ANKRD44: variants seen among roughly 807,000 people sequenced by gnomAD.
ANKRD44 encodes the protein serine/threonine-protein phosphatase 6 regulatory ankyrin repeat subunit B.
In ANKRD44, 35 loss-of-function variants were observed where a neutral mutation model predicts 116.0. The ratio of observed to expected loss-of-function variants is 0.30; its 90% CI spans 0.23 to 0.40. The LOEUF (loss-of-function observed/expected upper bound fraction) is 0.40, where lower values mean the gene tolerates loss of function less well. Among genes scored for constraint, ANKRD44 ranks in the 10% least tolerant of loss-of-function variants. The probability of loss-of-function intolerance (pLI) is 1.00; values close to 1 mark genes in which losing one functional copy is unlikely to be tolerated. For synonymous variants in ANKRD44, 435 were observed against 461.8 expected, an observed-to-expected ratio of 0.94 and a Z score of 0.74; for missense variants, 1,014 against 1,242.6, an observed-to-expected ratio of 0.82 and a Z score of 2.77.
At chr2:197,041,032 G>A (rs974475364) in intron 16 of ANKRD44, among the ~76,000 whole-genome samples, 1 of 152,154 alleles carries the variant, frequency 6.6e-6, no homozygotes, top group African/African-American at 2.4e-5. Flanking sequence ...GCCTTCAAAA[G>A]TCTTACTATC....
intron 16 of ANKRD44, among the ~76,000 whole-genome samples, chr2:197,045,236 C>T (rs2076981445): frequency 6.6e-6 from 1 of 151,916 alleles, no homozygotes; most frequent in Non-Finnish European, 1.5e-5. Flanking sequence ...GCTGATAATT[C>T]TGTCTCCATT....
chr2:197,282,787 C>G (rs867830121), intron 1 of ANKRD44, among the ~76,000 whole-genome samples: 22 of 152,238 alleles, frequency 1.4e-4, no homozygotes, highest in African/African-American at 5.3e-4. Context: ...GGCGAAACCC[C>G]ATCTCTACTA....
rs548394298 is a variant in ANKRD44 at position 197,293,759 on chromosome 2, G to A, written c.27+16819C>T. 5.5e-4 allele frequency among the ~76,000 whole-genome samples: 83 copies of A among 152,256 alleles called. 1 individual carries two copies. Among genetic ancestry groups the A allele is most frequent in the Admixed American group, 1.5e-3 (23 of 15,286 alleles). On this transcript the variant is annotated intron_variant, in intron 1 of 27. Coordinates refer to ENST00000282272, the MANE Select transcript of ANKRD44 (RefSeq NM_001195144.2). ...GGGAACGATGAGGCAATATCCTTAT[G>A]GCCTTGCACACAATGGGCTCCTTCT...
intron 12 of ANKRD44, 63 bp from the exon 13 acceptor site, chr2:197,086,811 A>T (rs2077935185): frequency 1.3e-6 from 2 of 1,513,370 alleles, no homozygotes; most frequent in Non-Finnish European, 1.8e-6. Flanking sequence ...ATCTTCAGCA[A>T]GAGCTATTTT....
At chr2:197,006,141 T>C (rs2076197853) in intron 20 of ANKRD44, among the ~76,000 whole-genome samples, 1 of 152,140 alleles carries the variant, frequency 6.6e-6, no homozygotes, top group Non-Finnish European at 1.5e-5. Flanking sequence ...TCCTGACAAC[T>C]GTGAAAGATA....
At chr2:197,220,468 G>A (rs555215146) in intron 1 of ANKRD44, among the ~76,000 whole-genome samples, 7 of 152,256 alleles carry the variant, frequency 4.6e-5, no homozygotes, top group African/African-American at 1.4e-4. Flanking sequence ...ATTTCAAGAT[G>A]AGAAATATGA....
intron 16 of ANKRD44, among the ~76,000 whole-genome samples, chr2:197,056,761 T>C (rs1450358488): frequency 6.6e-6 from 1 of 152,360 alleles, no homozygotes; most frequent in Admixed American, 6.5e-5. Context: ...TTGCCTTTTG[T>C]ATAATGACCT....
At chr2:197,092,549 T>C (rs537471365) in intron 10 of ANKRD44, among the ~76,000 whole-genome samples, 1 of 152,324 alleles carries the variant, frequency 6.6e-6, no homozygotes, top group East Asian at 1.9e-4. Context: ...TATTTAACGG[T>C]GGTTTTATTC....
chr2:197,115,456 C>T (rs1469539824), intron 8 of ANKRD44, among the ~76,000 whole-genome samples: 2 of 152,154 alleles, frequency 1.3e-5, no homozygotes, highest in African/African-American at 2.4e-5. Context: ...CAATTAAACT[C>T]ATATCATGAA....
intron 1 of ANKRD44, among the ~76,000 whole-genome samples, chr2:197,310,231 C>T (rs1449186973): frequency 6.6e-6 from 1 of 151,590 alleles, no homozygotes; most frequent in Non-Finnish European, 1.5e-5. Context: ...CCGGCGGCGC[C>T]CACGCAACGC....
chr2:196,971,079 T>C (rs887854097), intron 21 of ANKRD44, among the ~76,000 whole-genome samples: 1 of 152,162 alleles, frequency 6.6e-6, no homozygotes, highest in African/African-American at 2.4e-5. Flanking sequence ...TTTTTTTGCA[T>C]ATAAACCAAT....
chr2:197,135,836 G>C (rs2079203082), intron 4 of ANKRD44: 1 of 152,446 alleles, frequency 6.6e-6, no homozygotes, highest in African/African-American at 2.4e-5. Context: ...ACCCCTACTA[G>C]GTACTAAATC....
chr2:197,033,594 A>G (rs1337223208), intron 16 of ANKRD44, among the ~76,000 whole-genome samples: 2 of 151,958 alleles, frequency 1.3e-5, no homozygotes, highest in East Asian at 3.9e-4. Context: ...GATAAGCTGA[A>G]CTTTCCCCTG....
intron 1 of ANKRD44, among the ~76,000 whole-genome samples, chr2:197,284,856 A>T (rs2083365239): frequency 6.6e-6 from 1 of 151,304 alleles, no homozygotes; most frequent in African/African-American, 2.4e-5. Flanking sequence ...ACTGTACCCC[A>T]GCCTGGGCAA....
At chr2:197,269,072 G>T (rs75459801) in intron 1 of ANKRD44, among the ~76,000 whole-genome samples, 2,440 of 97,002 alleles carry the variant, frequency 0.025, 61 homozygotes, top group African/African-American at 0.082. Flanking sequence ...TGGGGTGCTG[G>T]TAATGTGTTT....
intron 4 of ANKRD44, among the ~76,000 whole-genome samples, chr2:197,127,267 CTCCTTAGTTATTTACATTTTTAAA>C (rs2078997387): frequency 6.6e-6 from 1 of 152,188 alleles, no homozygotes; most frequent in African/African-American, 2.4e-5. Context: ...ACAGTTAATT[CTCCTTAGTTATTTACATTTTTAAA>C]TCCTAAAGTT....
intron 8 of ANKRD44, among the ~76,000 whole-genome samples, chr2:197,115,331 G>A (rs779414264): frequency 2.0e-5 from 3 of 152,142 alleles, no homozygotes; most frequent in Non-Finnish European, 4.4e-5. Context: ...TTACAATGTA[G>A]TCTCTAATGG....
intron 1 of ANKRD44, among the ~76,000 whole-genome samples, chr2:197,251,192 C>T (rs2105660159): frequency 6.6e-6 from 1 of 151,802 alleles, no homozygotes. Flanking sequence ...TGCTTTTTTC[C>T]AAACCTTTTT....
intron 16 of ANKRD44, among the ~76,000 whole-genome samples, chr2:197,070,657 AT>A (rs2125094874): frequency 6.6e-6 from 1 of 152,072 alleles, no homozygotes; most frequent in South Asian, 2.1e-4. Context: ...ATTTGTAAAG[AT>A]TTTTGCATTC....
Sources: allele counts gnomAD v4.1 joint callset (sites outside exome capture counted in the v4.1 genomes callset), GRCh38; gene constraint gnomAD v4.1.1; transcripts MANE v1.5; gene names NCBI Gene and HGNC (gene_info 2026-07-23, HGNC 2026-07-21).